The following PTPRR variants were observed in gnomAD, a reference collection of about 807,000 sequenced individuals.
The protein encoded by PTPRR is protein tyrosine phosphatase receptor type R.
A neutral mutation model predicts 77.2 loss-of-function variants in PTPRR; 38 were observed. The observed-to-expected ratio is 0.49, with a 90% CI of 0.38 to 0.65. PTPRR has a LOEUF of 0.65. PTPRR is among the 30% of genes least tolerant of loss of function. The pLI, the probability that PTPRR is intolerant of heterozygous loss-of-function variation, is 0.00. For synonymous variants in PTPRR, 299 were observed against 283.1 expected (o/e 1.06, Z -0.57); for missense variants, 744 against 799.2 (o/e 0.93, Z 0.83).
At chr12:70,753,075 C>T (rs1890453845) in intron 5 of PTPRR, among the ~76,000 whole-genome samples, 1 of 151,888 alleles carries the variant, frequency 6.6e-6, no homozygotes, top group African/African-American at 2.4e-5. Flanking sequence ...CCTCTGAATT[C>T]ATTATGGTGG....
chr12:70,690,690 C>T (rs1038026090), intron 8 of PTPRR, among the ~76,000 whole-genome samples: 8 of 152,240 alleles, frequency 5.3e-5, no homozygotes, highest in African/African-American at 1.7e-4. Flanking sequence ...GCATATGTAG[C>T]GGTTTGTTCA....
intron 13 of PTPRR, among the ~76,000 whole-genome samples, chr12:70,643,479 C>T (rs928529567): frequency 6.6e-6 from 1 of 151,938 alleles, no homozygotes; most frequent in Admixed American, 6.6e-5. Flanking sequence ...CTGGCAAATG[C>T]AGTTTTTTAG....
intron 1 of PTPRR, among the ~76,000 whole-genome samples, chr12:70,913,199 C>T (rs117500342): frequency 0.014 from 2,168 of 152,008 alleles, 23 homozygotes; most frequent in Non-Finnish European, 0.024. Context: ...AGAATGTCTT[C>T]TATGAGAAAA....
intron 6 of PTPRR, among the ~76,000 whole-genome samples, chr12:70,735,866 A>G (rs931564370): frequency 6.6e-6 from 1 of 152,142 alleles, no homozygotes; most frequent in Non-Finnish European, 1.5e-5. Flanking sequence ...TTAGTGTCCA[A>G]CCCATCAGCT....
chr12:70,862,629 T>A (rs988692744), intron 2 of PTPRR, among the ~76,000 whole-genome samples: 2 of 149,298 alleles, frequency 1.3e-5, no homozygotes, highest in Non-Finnish European at 3.0e-5. Context: ...TTAGGAGATG[T>A]ACCTAATGCT....
At position 70,764,802 on chromosome 12, in the gene PTPRR, AT is replaced by A. The variant is rs1438179563; in HGVS notation, c.358-25del. 2.0e-6 allele frequency: 3 copies of A among 1,521,540 alleles called. No individual in the cohort carries two copies. The Admixed American group carries it at 5.0e-5, about 25-fold the overall frequency. The allele number at this position is 1,521,540 out of a possible 1,614,324, so 94.3% of individuals were successfully genotyped here. On this transcript the variant is annotated intron_variant, in intron 2 of 13. Coordinates refer to ENST00000283228, the MANE Select transcript of PTPRR (RefSeq NM_002849.4). ...GTCTAGAAAATAAGGACAAAAATAA[AT>A]CCAAATTATAGTATTAATTTGTATA...
intron 6 of PTPRR, among the ~76,000 whole-genome samples, chr12:70,711,527 T>C (rs1888829043): frequency 6.6e-6 from 1 of 152,074 alleles, no homozygotes; most frequent in Non-Finnish European, 1.5e-5. Flanking sequence ...GGTATTAACC[T>C]GGGTGATGAA....
At chr12:70,856,524 G>A (rs1238375232) in intron 2 of PTPRR, among the ~76,000 whole-genome samples, 1 of 152,058 alleles carries the variant, frequency 6.6e-6, no homozygotes, top group East Asian at 1.9e-4. Context: ...AAGGCTCTCT[G>A]GGACACAGAA....
At chr12:70,680,759 C>G (rs968860095) in intron 10 of PTPRR, among the ~76,000 whole-genome samples, 2 of 152,164 alleles carry the variant, frequency 1.3e-5, no homozygotes, top group African/African-American at 4.8e-5. Flanking sequence ...CAGAAGTCCC[C>G]TGAAAATGAC....
rs184124612 is a variant in PTPRR, at chr12:70,788,713, T to C, written c.358-23935A>G. On this transcript the variant is annotated intron_variant, in intron 2 of 13. Coordinates refer to ENST00000283228, the MANE Select transcript of PTPRR (RefSeq NM_002849.4). ...TAAGTTCTATGCTGACTCATTTTTC[T>C]ACATTTACATGAACAGATATAGACA... The C allele has an allele frequency of 1.8e-3, 1,469 of 833,856 alleles. 3 individuals are homozygous for C. The highest frequency in any genetic ancestry group is 2.5e-3 in the Non-Finnish European group (1,297 of 515,190). 51.7% of individuals were successfully genotyped at this position (833,856 alleles called of 1,614,324 possible).
rs560014389 is a variant in PTPRR at position 70,820,137 on chromosome 12, TCAA to T, written c.358-55362_358-55360del. On this transcript the variant is annotated intron_variant, in intron 2 of 13. Transcript: ENST00000283228. ...AGGGGTGAGTTTATTTATGCATACA[TCAA>T]CAACAAGGCTTGGCATTTATAATTT... 9.1e-4 allele frequency among the ~76,000 whole-genome samples: 138 copies of T among 152,294 alleles called. No individual in the cohort carries two copies. In the Middle Eastern group the frequency reaches 0.01, roughly 11 times the overall value.
intron 13 of PTPRR, among the ~76,000 whole-genome samples, chr12:70,648,591 C>T (rs1187754699): frequency 6.6e-6 from 1 of 152,052 alleles, no homozygotes; most frequent in African/African-American, 2.4e-5. Context: ...CTGTTACGCC[C>T]CACATCTCCT....
chr12:70,712,742 G>A (rs1393828985), intron 6 of PTPRR, among the ~76,000 whole-genome samples: 1 of 151,814 alleles, frequency 6.6e-6, no homozygotes, highest in Non-Finnish European at 1.5e-5. Flanking sequence ...AAATAAAAAT[G>A]TTCTAAATTA....
chr12:70,812,203 C>T (rs374741430), intron 2 of PTPRR, among the ~76,000 whole-genome samples: 2 of 152,076 alleles, frequency 1.3e-5, no homozygotes, highest in Non-Finnish European at 2.9e-5. Flanking sequence ...AGTGAGTCCT[C>T]GGTTCTATAA....
chr12:70,749,855 A>T (rs1434162461), intron 5 of PTPRR, among the ~76,000 whole-genome samples: 2 of 152,214 alleles, frequency 1.3e-5, no homozygotes, highest in African/African-American at 4.8e-5. Flanking sequence ...ATCTCTAGCT[A>T]TATTTCATAA....
chr12:70,776,065 G>T (rs1286131050), intron 2 of PTPRR, among the ~76,000 whole-genome samples: 1 of 151,772 alleles, frequency 6.6e-6, no homozygotes, highest in Non-Finnish European at 1.5e-5. Flanking sequence ...CTTCCTGAAT[G>T]TCCCACTTAC....
At chr12:70,678,344 A>G (rs1462248220) in intron 10 of PTPRR, among the ~76,000 whole-genome samples, 3 of 152,030 alleles carry the variant, frequency 2.0e-5, no homozygotes, top group African/African-American at 7.2e-5. Context: ...CCCGGCCAGG[A>G]TAGGTTCTGT....
At chr12:70,798,837 G>C (rs1327717615) in intron 2 of PTPRR, among the ~76,000 whole-genome samples, 2 of 139,974 alleles carry the variant, frequency 1.4e-5, no homozygotes, top group Admixed American at 8.2e-5. Flanking sequence ...CATTTGTGTG[G>C]GCTTATTTGT....
intron 2 of PTPRR, among the ~76,000 whole-genome samples, chr12:70,854,892 C>T (rs1421501533): frequency 6.6e-6 from 1 of 152,164 alleles, no homozygotes; most frequent in African/African-American, 2.4e-5. Flanking sequence ...ATAGAAGATG[C>T]TTGATAAATA....
Sources: allele counts gnomAD v4.1 joint callset (sites outside exome capture counted in the v4.1 genomes callset), GRCh38; gene constraint gnomAD v4.1.1; transcripts MANE v1.5; gene names NCBI Gene and HGNC (gene_info 2026-07-23, HGNC 2026-07-21).